PI4KB: variants seen among roughly 807,000 people sequenced by gnomAD.
PI4KB encodes PtdIns 4-kinase beta.
Under a neutral mutation model 81.4 loss-of-function variants are expected in PI4KB, and 23 were observed. The ratio of observed to expected loss-of-function variants is 0.28; its 90% CI spans 0.20 to 0.40. The LOEUF (loss-of-function observed/expected upper bound fraction) is 0.40, where lower values mean the gene tolerates loss of function less well. Ranked by LOEUF, PI4KB falls within the 10% of genes least tolerant of loss-of-function variation. The probability of loss-of-function intolerance (pLI) is 1.00; values close to 1 mark genes in which losing one functional copy is unlikely to be tolerated. For missense variants in PI4KB, 651 were observed against 1,036.6 expected (o/e 0.63, Z 5.11); for synonymous variants, 381 against 406.8 (o/e 0.94, Z 0.76).
intron 4 of PI4KB, among the ~76,000 whole-genome samples, chr1:151,306,669 G>A (rs138543440): frequency 6.6e-6 from 1 of 152,356 alleles, no homozygotes; most frequent in African/African-American, 2.4e-5. Context: ...AGGCCTAGAT[G>A]CCTCTGTGGG....
Position 151,310,209 on chromosome 1 carries a change from A to T in PI4KB, c.954+2T>A, listed in dbSNP as rs1470453791. 2 of 1,606,914 alleles carry T rather than the reference A, an allele frequency of 1.2e-6. No homozygotes were observed. On this transcript the variant is annotated splice_donor_variant, in intron 3 of 11. Transcript: ENST00000368873. LOFTEE classifies it high-confidence loss of function. Reference sequence around the variant, plus strand: ...ACCCCGTCCCAGCCTGGCCCCACTTACGGAACTGAATGAATTATCAATACT... The same window carrying T: ...ACCCCGTCCCAGCCTGGCCCCACTTTCGGAACTGAATGAATTATCAATACT...
intron 5 of PI4KB, among the ~76,000 whole-genome samples, chr1:151,304,297 C>G (rs1259248632): frequency 6.7e-6 from 1 of 150,154 alleles, no homozygotes; most frequent in Non-Finnish European, 1.5e-5. Context: ...ACTATAAGCT[C>G]AAAGACAGAG....
intron 1 of PI4KB, among the ~76,000 whole-genome samples, chr1:151,318,350 G>C (rs1375396689): frequency 6.6e-6 from 1 of 150,876 alleles, no homozygotes; most frequent in Admixed American, 6.6e-5. Context: ...CTGGGAGGTG[G>C]AGGTTGCAGT....
rs1647240608 is a variant in PI4KB, at chr1:151,312,179, G to T, written c.910-1924C>A. 2.6e-5 allele frequency among the ~76,000 whole-genome samples: 4 copies of T among 152,200 alleles called. 1 individual carries two copies. In the South Asian group the frequency reaches 8.3e-4, roughly 31 times the overall value. ...CTCATAGTAAGAAAGAGAACACTGT[G>T]AGAGCTGAGCAGAGAACAACTCTGC... On this transcript the variant is annotated intron_variant, in intron 2 of 11. Transcript: ENST00000368873.
intron 11 of PI4KB, 50 bp downstream of exon 11, chr1:151,293,968 T>TA: frequency 6.2e-7 from 1 of 1,610,742 alleles, no homozygotes; most frequent in South Asian, 1.1e-5. Flanking sequence ...GGCTCCGACT[T>TA]AAAGGGGAAG....
At chr1:151,312,699 G>T (rs1363125166) in intron 2 of PI4KB, among the ~76,000 whole-genome samples, 2 of 152,350 alleles carry the variant, frequency 1.3e-5, no homozygotes, top group Admixed American at 1.3e-4. Flanking sequence ...GGGGACAAAA[G>T]CCTTGACAGA....
chr1:151,311,700 A>G (rs1243024752), intron 2 of PI4KB, among the ~76,000 whole-genome samples: 1 of 152,194 alleles, frequency 6.6e-6, no homozygotes, highest in African/African-American at 2.4e-5. Context: ...ACTCATTGAC[A>G]GCCCTGGGGG....
upstream of PI4KB, chr1:151,327,666 G>A: frequency 2.9e-6 from 1 of 343,810 alleles, no homozygotes; most frequent in Non-Finnish European, 5.2e-6. Context: ...CTAAGGAGTC[G>A]GGTGAGCTGC....
chr1:151,305,344 C>T (rs1271901122), intron 5 of PI4KB, among the ~76,000 whole-genome samples: 2 of 152,240 alleles, frequency 1.3e-5, no homozygotes, highest in African/African-American at 4.8e-5. Context: ...CTTTCCCCAG[C>T]TTACAGGGTC....
At position 151,294,516 on chromosome 1, in the gene PI4KB, C is replaced by A; in HGVS notation, c.2041G>T (p.Ala681Ser). ...DRHNGNILLD[A>S]EGHIIHIDFG... ...TCGATGTGGATGATGTGGCCTTCTG[C>A]GTCCAAAAGGATATTCCCATTGTGT... Residue 681 changes from alanine to serine, a missense_variant, in exon 10 of 12, where the codon GCA (alanine) becomes TCA (serine). Around this residue, in one of 5 missense-constraint regions of PI4KB, gnomAD observed 19 missense variants for 77.8 expected, o/e 0.24. Transcript: ENST00000368873. 2 of 1,614,028 alleles carry A rather than the reference C, an allele frequency of 1.2e-6. No homozygotes were observed. Among genetic ancestry groups the A allele is most frequent in the Non-Finnish European group, 1.7e-6 (2 of 1,179,936 alleles).
At chr1:151,299,829 A>G (rs911229480) in intron 8 of PI4KB, among the ~76,000 whole-genome samples, 11 of 152,190 alleles carry the variant, frequency 7.2e-5, no homozygotes, top group Non-Finnish European at 1.2e-4. Flanking sequence ...CAGAAGATCA[A>G]TATTTCAGCA....
At chr1:151,302,799 G>C (rs1695405415) in intron 6 of PI4KB, among the ~76,000 whole-genome samples, 1 of 151,042 alleles carries the variant, frequency 6.6e-6, no homozygotes, top group Admixed American at 6.6e-5. Flanking sequence ...TAGCCAGGAT[G>C]GTCTCGATCT....
intron 5 of PI4KB, 64 bp downstream of exon 5, chr1:151,306,072 A>G (rs1695730469): frequency 7.5e-7 from 1 of 1,336,228 alleles, no homozygotes. Context: ...CTTGTTTCCA[A>G]TATAGTGAAA....
chr1:151,295,496 AG>A (rs1361873143), intron 9 of PI4KB, among the ~76,000 whole-genome samples: 7 of 152,230 alleles, frequency 4.6e-5, no homozygotes, highest in Non-Finnish European at 1.0e-4. Context: ...AAGAAAACAG[AG>A]GCCCTGAGAG....
At chr1:151,306,816 C>T (rs990045946) in intron 4 of PI4KB, among the ~76,000 whole-genome samples, 13 of 152,314 alleles carry the variant, frequency 8.5e-5, no homozygotes, top group Non-Finnish European at 4.4e-5. Context: ...GTGGCTCACG[C>T]CTGTAATCCT....
intron 8 of PI4KB, among the ~76,000 whole-genome samples, 186 bp from the exon 9 acceptor site, chr1:151,299,259 G>A (rs890072628): frequency 6.6e-6 from 1 of 151,836 alleles, no homozygotes; most frequent in African/African-American, 2.4e-5. Context: ...GCCTGACAAA[G>A]TCAGAAACTA....
At chr1:151,299,115 CA>C in intron 8 of PI4KB, 42 bp from the exon 9 acceptor site, 1 of 1,576,374 alleles carries the variant, frequency 6.3e-7, no homozygotes, top group Non-Finnish European at 8.7e-7. Context: ...TATCTTTCTC[CA>C]AACTAGAGAA....
rs987072641 is a variant in PI4KB, at chr1:151,306,683, G to A, written c.1183-320C>T. 5.9e-5 allele frequency among the ~76,000 whole-genome samples: 9 copies of A among 152,180 alleles called. 1 individual carries two copies. Among genetic ancestry groups the A allele is most frequent in the East Asian group, 1.9e-4 (1 of 5,192 alleles). ...GAGGCCTAGATGCCTCTGTGGGCTC[G>A]TCCTGAAGACAGGGCCCAGGGAGCT... On this transcript the variant is annotated intron_variant, in intron 4 of 11. Coordinates refer to ENST00000368873, the MANE Select transcript of PI4KB (RefSeq NM_001369623.2).
chr1:151,295,330 G>C (rs1342783880), intron 9 of PI4KB, among the ~76,000 whole-genome samples: 2 of 152,206 alleles, frequency 1.3e-5, no homozygotes, highest in African/African-American at 4.8e-5. Context: ...TCTGGGGTTG[G>C]TTTGGCCAAA....
Sources: gnomAD v4.1 joint callset for allele counts (sites outside exome capture counted in the v4.1 genomes callset) on GRCh38, gnomAD v4.1.1 for gene constraint, gnomAD v4.1.1 regional missense constraint, MANE v1.5 for transcripts, NCBI Gene and HGNC (gene_info 2026-07-23, HGNC 2026-07-21) for gene names.